The following KAT7 variants were observed in gnomAD, a reference collection of about 807,000 sequenced individuals.
KAT7 encodes histone acetyltransferase KAT7.
A neutral mutation model predicts 82.1 loss-of-function variants in KAT7; 10 were observed. The ratio of observed to expected loss-of-function variants is 0.12; its 90% confidence interval spans 0.08 to 0.21. KAT7 has a LOEUF of 0.21. Ranked by LOEUF, KAT7 falls within the 10% of genes least tolerant of loss-of-function variation. The probability of loss-of-function intolerance (pLI) is 1.00; values close to 1 mark genes in which losing one functional copy is unlikely to be tolerated. For missense variants in KAT7, 378 were observed against 760.9 expected, an observed-to-expected ratio of 0.50 and a Z score of 5.92; for synonymous variants, 250 against 262.5, an observed-to-expected ratio of 0.95 and a Z score of 0.46.
intron 7 of KAT7, 128 bp from the exon 8 acceptor site, chr17:49,815,675 G>A: frequency 1.6e-6 from 1 of 630,048 alleles, no homozygotes; most frequent in East Asian, 2.6e-5. Flanking sequence ...TCAATCCCTA[G>A]CACCTAGTAT....
At chr17:49,826,178 GTTACC>G (rs1165308221) in intron 13 of KAT7, 32 bp downstream of exon 13, 1 of 1,603,318 alleles carries the variant, frequency 6.2e-7, no homozygotes, top group Non-Finnish European at 8.5e-7. Flanking sequence ...ATGGTTGATT[GTTACC>G]CAAGAAGTTA....
rs1404371689 is a variant in KAT7, at chr17:49,831,197, AC to A, written c.*3697del. ...AGGCTGAGGCACGAGAATCGCCTGA[AC>A]CTGGGAGGCAGAAGTTGCAATGAGC... On this transcript the variant is annotated 3_prime_UTR_variant, in exon 15 of 15. Coordinates refer to ENST00000259021, the MANE Select transcript of KAT7 (RefSeq NM_007067.5). 6.6e-6 allele frequency: 1 copy of A among 152,306 alleles called. No individual in the cohort carries two copies. The highest frequency in any genetic ancestry group is 1.9e-4 in the East Asian group (1 of 5,200). The allele number at this position is 152,306 out of a possible 1,614,324, so 9.4% of individuals were successfully genotyped here. A position where few individuals can be genotyped will look rare whatever the true frequency, so the allele number is the denominator to read the frequency against.
chr17:49,823,050 G>T lies in KAT7; in HGVS notation c.1387-152G>T, dbSNP rs960045811. The stretch of plus-strand genomic sequence containing the variant: ...TTAATGGCTTTGGCCATGATAAAGG[G>T]TGTGGTTATAACAGCTGTGAGCCTG... On this transcript the variant is annotated intron_variant, in intron 11 of 14. Coordinates refer to ENST00000259021, the MANE Select transcript of KAT7 (RefSeq NM_007067.5). 5 of 586,290 alleles carry T rather than the reference G, an allele frequency of 8.5e-6. No individual in the cohort carries two copies. The African/African-American group carries it at 9.3e-5, about 11-fold the overall frequency. The allele number at this position is 586,290 out of a possible 1,614,324, so 36.3% of individuals were successfully genotyped here.
chr17:49,827,686 G>C lies in KAT7; in HGVS notation c.*184G>C. ...CTGCAGACGCTGGTTCTGAGGAACTGTTGTTTCGGCCTCAGTGAGGTTGCC... is the reference window on the plus strand; with the variant it reads ...CTGCAGACGCTGGTTCTGAGGAACTCTTGTTTCGGCCTCAGTGAGGTTGCC... On this transcript the variant is annotated 3_prime_UTR_variant, in exon 15 of 15. Coordinates refer to ENST00000259021, the MANE Select transcript of KAT7 (RefSeq NM_007067.5). 1.7e-6 allele frequency: 1 copy of C among 594,042 alleles called. No homozygotes were observed. The highest frequency in any genetic ancestry group is 2.8e-5 in the East Asian group (1 of 36,132). The allele number at this position is 594,042 out of a possible 1,614,324, so 36.8% of individuals were successfully genotyped here. A position where few individuals can be genotyped will look rare whatever the true frequency, so the allele number is the denominator to read the frequency against.
chr17:49,820,556 G>A (rs1376824270), intron 9 of KAT7, among the ~76,000 whole-genome samples: 1 of 152,110 alleles, frequency 6.6e-6, no homozygotes, highest in Non-Finnish European at 1.5e-5. Context: ...TGGGATTACA[G>A]GCGTGAGCCA....
chr17:49,798,038 T>G (rs951447225), intron 3 of KAT7, among the ~76,000 whole-genome samples: 1 of 152,262 alleles, frequency 6.6e-6, no homozygotes, highest in African/African-American at 2.4e-5. Context: ...AAAAACGTAT[T>G]TCCATCTAGT....
rs1217036110 is a variant in KAT7, at chr17:49,811,417, C to A, written c.754-59C>A. The A allele has an allele frequency of 5.4e-6, 5 of 921,280 alleles. No homozygotes were observed. The Admixed American group carries it at 7.8e-5, about 14-fold the overall frequency. 57.1% of individuals were successfully genotyped at this position (921,280 alleles called of 1,614,324 possible). A position where few individuals can be genotyped will look rare whatever the true frequency, so the allele number is the denominator to read the frequency against. On this transcript the variant is annotated intron_variant, in intron 6 of 14. Coordinates refer to ENST00000259021, the MANE Select transcript of KAT7 (RefSeq NM_007067.5). ...CTACTGTGCCGGGCCTTGGCACTTT[C>A]ATTTTGAAGCTTAGCTTTATAAGGA...
chr17:49,813,000 C>CTTTTTT (rs34339283), intron 7 of KAT7, among the ~76,000 whole-genome samples: 1 of 102,792 alleles, frequency 9.7e-6, no homozygotes, highest in Non-Finnish European at 2.0e-5. Context: ...TGCACCCAGC[C>CTTTTTT]TTTTTTTTTT....
intron 5 of KAT7, among the ~76,000 whole-genome samples, chr17:49,806,461 A>G (rs539854952): frequency 6.6e-6 from 1 of 152,312 alleles, no homozygotes; most frequent in South Asian, 2.1e-4. Flanking sequence ...TGCTCTGTGT[A>G]AAAGTGAGTT....
intron 11 of KAT7, among the ~76,000 whole-genome samples, chr17:49,822,944 CT>C (rs2074324298): frequency 6.6e-6 from 1 of 152,156 alleles, no homozygotes; most frequent in African/African-American, 2.4e-5. Context: ...ACTTCTTGCC[CT>C]ACTCTGTGGC....
At chr17:49,795,979 A>T (rs1261758111) in intron 2 of KAT7, among the ~76,000 whole-genome samples, 8 of 97,554 alleles carry the variant, frequency 8.2e-5, no homozygotes, top group East Asian at 7.3e-4. Flanking sequence ...GTCTCTTTAT[A>T]AAAAAAAAAG....
intron 2 of KAT7, 23 bp from the exon 3 acceptor site, chr17:49,796,727 T>C: frequency 6.5e-7 from 1 of 1,527,234 alleles, no homozygotes; most frequent in Non-Finnish European, 8.9e-7. Context: ...TTTTTCTTTA[T>C]TTTCTTTTAA....
intron 6 of KAT7, among the ~76,000 whole-genome samples, chr17:49,810,079 G>C (rs1333797798): frequency 1.3e-5 from 2 of 152,062 alleles, no homozygotes; most frequent in Non-Finnish European, 2.9e-5. Context: ...ATGTTGTCCC[G>C]GGCAGGTCAA....
rs191144457 is a variant in KAT7, at chr17:49,827,647, G to T, written c.*145G>T. 4.8e-6 allele frequency: 3 copies of T among 628,992 alleles called. No homozygotes were observed. The highest frequency in any genetic ancestry group is 1.9e-5 in the South Asian group (1 of 52,702). The allele number at this position is 628,992 out of a possible 1,614,324, so 39.0% of individuals were successfully genotyped here. A position where few individuals can be genotyped will look rare whatever the true frequency, so the allele number is the denominator to read the frequency against. On this transcript the variant is annotated 3_prime_UTR_variant, in exon 15 of 15. Transcript: ENST00000259021. ...TCCCCCTCAGGACTGTCCTGGCTCC[G>T]ACCTTTGTGTACACTGCAGACGCTG...
At chr17:49,794,767 G>A (rs1460746705) in intron 2 of KAT7, among the ~76,000 whole-genome samples, 1 of 152,232 alleles carries the variant, frequency 6.6e-6, no homozygotes, top group South Asian at 2.1e-4. Context: ...AAATGCGTAA[G>A]CACTGAGTCT....
chr17:49,792,281 G>A (rs777185587), intron 2 of KAT7, among the ~76,000 whole-genome samples: 1 of 152,210 alleles, frequency 6.6e-6, no homozygotes, highest in Non-Finnish European at 1.5e-5. Context: ...ACACACGTAT[G>A]TCTTGAGTCA....
At position 49,805,233 on chromosome 17, in the gene KAT7, G is replaced by A. The variant is rs2074076806; in HGVS notation, c.581-130G>A. On this transcript the variant is annotated intron_variant, in intron 4 of 14. Coordinates refer to ENST00000259021, the MANE Select transcript of KAT7 (RefSeq NM_007067.5). ...TATAGCCCTACCAGCCTTATGTTTG[G>A]TGGATTCAGTCTGATCAGACATATA... The A allele has an allele frequency of 4.8e-6, 3 of 620,740 alleles. No homozygotes were observed. The East Asian group carries it at 8.4e-5, about 17-fold the overall frequency. The allele number at this position is 620,740 out of a possible 1,614,324, so 38.5% of individuals were successfully genotyped here. A position where few individuals can be genotyped will look rare whatever the true frequency, so the allele number is the denominator to read the frequency against.
Position 49,834,675 on chromosome 17 carries a change from A to G in KAT7, c.*7173A>G, listed in dbSNP as rs1394844777. 1 of 152,230 alleles carries G rather than the reference A, an allele frequency of 6.6e-6. No individual in the cohort carries two copies. Among genetic ancestry groups the G allele is most frequent in the Non-Finnish European group, 1.5e-5 (1 of 68,040 alleles). 9.4% of individuals were successfully genotyped at this position (152,230 alleles called of 1,614,324 possible). Reference sequence around the variant, plus strand: ...GAGAAAGCCTCCACTTCAACGTTCCATGAAGTGTGTTCCATTAAATACCAA... The same window carrying G: ...GAGAAAGCCTCCACTTCAACGTTCCGTGAAGTGTGTTCCATTAAATACCAA... On this transcript the variant is annotated 3_prime_UTR_variant, in exon 15 of 15. Transcript: ENST00000259021.
chr17:49,799,275 A>C (rs938066991), intron 4 of KAT7, among the ~76,000 whole-genome samples: 2 of 152,184 alleles, frequency 1.3e-5, no homozygotes, highest in Admixed American at 1.3e-4. Flanking sequence ...TACTGGGTCT[A>C]CTTCTCAAAT....
Sources: gnomAD v4.1 joint callset for allele counts (sites outside exome capture counted in the v4.1 genomes callset) on GRCh38, gnomAD v4.1.1 for gene constraint, MANE v1.5 for transcripts, NCBI Gene and HGNC (gene_info 2026-07-23, HGNC 2026-07-21) for gene names.